The following SATB1 variants were observed in gnomAD, a reference collection of about 807,000 sequenced individuals.
The protein encoded by SATB1 is SATB homeobox 1, also known as DNA-binding protein SATB1.
A neutral mutation model predicts 86.9 loss-of-function variants in SATB1; 11 were observed. The observed-to-expected ratio is 0.13, with a 90% CI of 0.08 to 0.21. The LOEUF (loss-of-function observed/expected upper bound fraction) is 0.21, where lower values mean the gene tolerates loss of function less well. Ranked by LOEUF, SATB1 falls within the 10% of genes least tolerant of loss-of-function variation. SATB1 has a pLI of 1.00. For missense variants in SATB1, 551 were observed against 937.6 expected (o/e 0.59, Z 5.39); for synonymous variants, 357 against 357.2 (o/e 1.00, Z 0.01).
At chr3:18,365,839 T>C (rs1297284810) in intron 9 of SATB1, among the ~76,000 whole-genome samples, 2 of 152,138 alleles carry the variant, frequency 1.3e-5, no homozygotes, top group Non-Finnish European at 2.9e-5. Flanking sequence ...TAAAATAAAA[T>C]CATTACCCAT....
At chr3:18,427,058 A>G (rs1404332387), upstream of SATB1, among the ~76,000 whole-genome samples, 2 of 152,250 alleles carry the variant, frequency 1.3e-5, no homozygotes, top group African/African-American at 4.8e-5. Context: ...AAGAATGAAC[A>G]TGTGATAAAC....
At position 18,351,988 on chromosome 3, in the gene SATB1, G is replaced by T; in HGVS notation, c.1779+4C>A. On this transcript the variant is annotated splice_donor_region_variant and intron_variant, in intron 10 of 10. Coordinates refer to ENST00000338745, the MANE Select transcript of SATB1 (RefSeq NM_002971.6). ...CTATACTGAATTGGCCAAAGTAAAC[G>T]AACCTGAATCTGCTCTGCTGGAACA... 1.2e-6 allele frequency: 2 copies of T among 1,614,064 alleles called. No homozygotes were observed. The highest frequency in any genetic ancestry group is 2.2e-5 in the South Asian group (2 of 91,026).
In SATB1 at chr3:18,386,455, C is replaced by T; in HGVS notation, c.1363G>A (p.Ala455Thr). 6.2e-7 allele frequency: 1 copy of T among 1,614,118 alleles called. No individual in the cohort carries two copies. The highest frequency in any genetic ancestry group is 1.1e-5 in the South Asian group (1 of 91,074). ...QDERERSLNA[A>T]SAMGPAPLIS... is the part of the protein sequence containing the mutation. ...AGGGGGGCAGGACCCATGGCCGAGG[C>T]AGCATTCAAGCTCCTTTCCCTTTCG... The change falls in exon 8 of 11, where the codon GCC becomes ACC. Residue 455 changes from alanine to threonine, a missense_variant. By Grantham distance (58) the Ala-to-Thr change is moderately conservative. Transcript: ENST00000338745. The surrounding 1 kb of genome is among the most constrained non-coding windows in gnomAD (Gnocchi z 4.5).
intron 7 of SATB1, among the ~76,000 whole-genome samples, chr3:18,390,563 T>C (rs954709533): frequency 8.5e-5 from 13 of 152,196 alleles, no homozygotes; most frequent in Non-Finnish European, 1.8e-4. Flanking sequence ...TTTCTTAAAT[T>C]ACACTGTGAA....
At chr3:18,383,501 G>A (rs949097468) in intron 8 of SATB1, among the ~76,000 whole-genome samples, 1 of 152,132 alleles carries the variant, frequency 6.6e-6, no homozygotes, top group Non-Finnish European at 1.5e-5. Context: ...AAAGAAATCA[G>A]GTTTCAGGTG....
chr3:18,382,960 A>T (rs190872605), intron 8 of SATB1, among the ~76,000 whole-genome samples: 1 of 152,312 alleles, frequency 6.6e-6, no homozygotes, highest in African/African-American at 2.4e-5. Context: ...TCTTCTAGGG[A>T]AAGGTTGGTA....
In SATB1 at chr3:18,393,341, G is replaced by A. The variant is rs1575133238; in HGVS notation, c.1206+1121C>T. Reference sequence around the variant, plus strand: ...TCGTTTTTGTTTGTTTTTTGGTTTTGTTGTTGTTTTTTGTTTTGTTTTAGT... The same window carrying A: ...TCGTTTTTGTTTGTTTTTTGGTTTTATTGTTGTTTTTTGTTTTGTTTTAGT... On this transcript the variant is annotated intron_variant, in intron 7 of 10. Transcript: ENST00000338745. Among the ~76,000 whole-genome samples, 3 of 67,996 alleles carry A rather than the reference G, an allele frequency of 4.4e-5. No homozygotes were observed. In the South Asian group the frequency reaches 1.9e-3, roughly 42 times the overall value. 44.6% of individuals were successfully genotyped at this position (67,996 alleles called of 152,430 possible).
At chr3:18,409,364 T>G (rs574815308) in intron 5 of SATB1, 1 of 152,166 alleles carries the variant, frequency 6.6e-6, no homozygotes, top group East Asian at 1.9e-4. Flanking sequence ...AAAGGAAAAC[T>G]TGCAATTTGG....
chr3:18,358,486 A>C (rs1025675122), intron 9 of SATB1, among the ~76,000 whole-genome samples: 2 of 152,012 alleles, frequency 1.3e-5, no homozygotes, highest in Non-Finnish European at 2.9e-5. Flanking sequence ...AGTGAAAAGA[A>C]CCTCAGCTGG....
rs1696377920 is a variant in SATB1 at position 18,386,994 on chromosome 3, G to A, written c.1207-383C>T. The stretch of plus-strand genomic sequence containing the variant: ...AGACAAAGGCAGTGTAATGCCTACA[G>A]CCCAATATGTAAAGATACAAAGCCA... On this transcript the variant is annotated intron_variant, in intron 7 of 10. Coordinates refer to ENST00000338745, the MANE Select transcript of SATB1 (RefSeq NM_002971.6). The surrounding 1 kb of genome is among the most constrained non-coding windows in gnomAD (Gnocchi z 4.5). Among the ~76,000 whole-genome samples the A allele has an allele frequency of 6.6e-6, 1 of 152,112 alleles. No individual in the cohort carries two copies. Among genetic ancestry groups the A allele is most frequent in the African/African-American group, 2.4e-5 (1 of 41,412 alleles).
intron 1 of SATB1, among the ~76,000 whole-genome samples, chr3:18,422,495 A>T (rs369078731): frequency 6.6e-6 from 1 of 152,228 alleles, no homozygotes; most frequent in African/African-American, 2.4e-5. Flanking sequence ...TTTACCGTTG[A>T]TAGAGGTCCC....
intron 10 of SATB1, 167 bp downstream of exon 10, chr3:18,351,809 CATACGCTGGAAAAAGT>C: frequency 1.6e-6 from 1 of 615,186 alleles, no homozygotes; most frequent in Non-Finnish European, 2.8e-6. Flanking sequence ...GAACACGATA[CATACGCTGGAAAAAGT>C]ATGTTAATAT....
upstream of SATB1, among the ~76,000 whole-genome samples, chr3:18,430,207 T>G (rs1698844665): frequency 1.3e-5 from 2 of 151,872 alleles, no homozygotes; most frequent in Non-Finnish European, 2.9e-5. Context: ...CCTAGAGAAC[T>G]CCTTTAAAAG....
chr3:18,437,969 A>G (rs1269952164), intron 1 of SATB1, among the ~76,000 whole-genome samples: 2 of 152,152 alleles, frequency 1.3e-5, no homozygotes, highest in African/African-American at 4.8e-5. Flanking sequence ...AATGATTTCC[A>G]TTGTCTGTTT....
chr3:18,384,639 A>G (rs1696235851), intron 8 of SATB1, among the ~76,000 whole-genome samples: 1 of 152,200 alleles, frequency 6.6e-6, no homozygotes, highest in Non-Finnish European at 1.5e-5. Flanking sequence ...ACTAAACACT[A>G]CAGAAAAAGT....
chr3:18,361,091 C>A (rs1162393049), intron 9 of SATB1, among the ~76,000 whole-genome samples: 1 of 151,982 alleles, frequency 6.6e-6, no homozygotes, highest in Non-Finnish European at 1.5e-5. Context: ...CTGTCTATGA[C>A]CCTTTTTTAA....
At chr3:18,441,244 T>C (rs555496442), upstream of SATB1, among the ~76,000 whole-genome samples, 13 of 152,300 alleles carry the variant, frequency 8.5e-5, no homozygotes, top group South Asian at 2.3e-3. Context: ...CACAAAGCTA[T>C]GACAGTATAT....
At position 18,423,852 on chromosome 3, in the gene SATB1, A is replaced by T. The variant is rs921457007; in HGVS notation, c.-250T>A. 2.0e-5 allele frequency: 3 copies of T among 152,008 alleles called. No homozygotes were observed. The highest frequency in any genetic ancestry group is 4.4e-5 in the Non-Finnish European group (3 of 67,994). The allele number at this position is 152,008 out of a possible 1,614,324, so 9.4% of individuals were successfully genotyped here. A position where few individuals can be genotyped will look rare whatever the true frequency, so the allele number is the denominator to read the frequency against. On this transcript the variant is annotated 5_prime_UTR_variant, in exon 1 of 11. Transcript: ENST00000338745. ...CCTAAGCGGGGGAAGGGCAGAAATA[A>T]ACGTCTAGAAGAGTAGCCATGAGAA... is the stretch of plus-strand genomic sequence containing the variant.
intron 7 of SATB1, among the ~76,000 whole-genome samples, chr3:18,389,697 G>A (rs1355484427): frequency 6.6e-6 from 1 of 151,910 alleles, no homozygotes; most frequent in Non-Finnish European, 1.5e-5. Flanking sequence ...TGAAACATCA[G>A]GACTAAAATA....
Sources: gnomAD v4.1 joint callset for allele counts (sites outside exome capture counted in the v4.1 genomes callset) on GRCh38, gnomAD v4.1.1 for gene constraint, Gnocchi (gnomAD v3.1) non-coding constraint, MANE v1.5 for transcripts, NCBI Gene and HGNC (gene_info 2026-07-23, HGNC 2026-07-21) for gene names.